SLF2: variants seen among roughly 807,000 people sequenced by gnomAD.
The protein encoded by SLF2 is SMC5-SMC6 complex localization factor protein 2.
A neutral mutation model predicts 124.3 loss-of-function variants in SLF2; 68 were observed. The ratio of observed to expected loss-of-function variants is 0.55; its 90% CI spans 0.45 to 0.67. The LOEUF (loss-of-function observed/expected upper bound fraction) is 0.67, where lower values mean the gene tolerates loss of function less well. Among genes scored for constraint, SLF2 ranks in the 30% least tolerant of loss-of-function variants. The pLI is 0.00. For missense variants in SLF2, 1,246 were observed against 1,373.7 expected (o/e 0.91, Z 1.47); for synonymous variants, 480 against 478.8 (o/e 1.00, Z -0.03).
intron 8 of SLF2, among the ~76,000 whole-genome samples, 198 bp from the exon 9 acceptor site, chr10:100,930,778 A>G (rs1230904135): frequency 1.3e-5 from 2 of 152,222 alleles, no homozygotes; most frequent in Non-Finnish European, 2.9e-5. Context: ...AGCCTAGCCA[A>G]CAGATTGGAT....
chr10:100,956,706 C>T (rs1312325201), intron 18 of SLF2, among the ~76,000 whole-genome samples, 169 bp downstream of exon 18: 1 of 152,090 alleles, frequency 6.6e-6, no homozygotes, highest in Non-Finnish European at 1.5e-5. Flanking sequence ...AGGAGGATTG[C>T]TTGAAGCCAG....
chr10:100,924,694 T>A lies in SLF2; in HGVS notation c.1693T>A (p.Cys565Ser). The change falls in exon 5 of 20, where the codon TGT (cysteine) becomes AGT (serine). Residue 565 changes from cysteine (C) to serine (S), a missense_variant. Cys to Ser is a moderately radical substitution (Grantham distance 112). Coordinates refer to ENST00000238961, the MANE Select transcript of SLF2 (RefSeq NM_018121.4). The part of the protein sequence containing the change: ...SPPAALEVVP[C>S]IPSPAAPSDK... ...CCCTGCTGCTTTGGAAGTTGTGCCA[T>A]GTATCCCAAGCCCTGCAGCACCTTC... 1 of 1,614,174 alleles carries A rather than the reference T, an allele frequency of 6.2e-7. No homozygotes were observed. The highest frequency in any genetic ancestry group is 1.1e-5 in the South Asian group (1 of 91,086).
chr10:100,953,289 G>A (rs1010872718), intron 17 of SLF2, among the ~76,000 whole-genome samples: 52 of 151,278 alleles, frequency 3.4e-4, no homozygotes, highest in Non-Finnish European at 6.3e-4. Flanking sequence ...CAAAGTGCTG[G>A]GATTACAGGC....
intron 1 of SLF2, 35 bp from the exon 2 acceptor site, chr10:100,915,964 G>A: frequency 6.7e-7 from 1 of 1,501,376 alleles, no homozygotes; most frequent in Non-Finnish European, 9.2e-7. Flanking sequence ...TTTAATATTT[G>A]CTTATATGAT....
chr10:100,913,851 A>G (rs1849368355), intron 1 of SLF2: 1 of 985,378 alleles, frequency 1.0e-6, no homozygotes, highest in African/African-American at 1.7e-5. Flanking sequence ...TCATCTAATG[A>G]CATCCTCTGA....
intron 9 of SLF2, 81 bp downstream of exon 9, chr10:100,931,159 A>G: frequency 1.8e-6 from 2 of 1,103,974 alleles, no homozygotes; most frequent in Non-Finnish European, 2.7e-6. Flanking sequence ...TTTTATTTGC[A>G]CATTACTGCA....
intron 9 of SLF2, among the ~76,000 whole-genome samples, chr10:100,935,617 T>C (rs1240848574): frequency 1.3e-5 from 2 of 151,570 alleles, no homozygotes; most frequent in African/African-American, 4.9e-5. Context: ...GAGGCAGAGG[T>C]TGCAGTCAGC....
At chr10:100,942,517 A>C (rs1032430682) in intron 11 of SLF2, among the ~76,000 whole-genome samples, 5 of 151,718 alleles carry the variant, frequency 3.3e-5, no homozygotes, top group Admixed American at 1.3e-4. Context: ...TTTCTTCCTT[A>C]ATAGAGAAGA....
At chr10:100,913,344 C>A in intron 1 of SLF2, 94 bp downstream of exon 1, 1 of 1,381,640 alleles carries the variant, frequency 7.2e-7, no homozygotes. Context: ...TCCCGCCATC[C>A]TCCGCGAGCT....
chr10:100,945,347 A>C lies in SLF2; in HGVS notation c.2775A>C (p.Thr925=), dbSNP rs748755306. Residue 925 remains threonine, a synonymous_variant, in exon 13 of 20, where the codon ACA becomes ACC. Transcript: ENST00000238961. ...LNVVKFLGLC[T]SIHPEGYQDR... ...TTAAACAGTTTCTAGGCTTGTGTAC[A>C]TCTATACATCCAGAAGGTTACCAGG... 3 of 1,591,800 alleles carry C rather than the reference A, an allele frequency of 1.9e-6. No individual in the cohort carries two copies. Among genetic ancestry groups the C allele is most frequent in the Admixed American group, 1.9e-5 (1 of 53,030 alleles).
At chr10:100,927,423 T>A (rs1009675629) in intron 6 of SLF2, among the ~76,000 whole-genome samples, 1 of 152,230 alleles carries the variant, frequency 6.6e-6, no homozygotes, top group South Asian at 2.1e-4. Context: ...GTGTCAGAAT[T>A]TCCGTTCTTT....
chr10:100,918,179 CAT>C (rs1316387618), intron 3 of SLF2, among the ~76,000 whole-genome samples: 4 of 152,188 alleles, frequency 2.6e-5, no homozygotes, highest in Admixed American at 6.5e-5. Context: ...GATATTTTTA[CAT>C]GTTTATGATA....
chr10:100,925,844 G>A (rs899444637), intron 5 of SLF2, 105 bp from the exon 6 acceptor site: 2 of 1,117,044 alleles, frequency 1.8e-6, no homozygotes, highest in African/African-American at 1.6e-5. Context: ...TCCTGGCCCA[G>A]ATTATTGAAA....
At chr10:100,959,604 A>C (rs1467398482) in intron 19 of SLF2, 108 bp downstream of exon 19, 6 of 1,435,524 alleles carry the variant, frequency 4.2e-6, no homozygotes, top group Non-Finnish European at 4.6e-6. Context: ...GCTTCTAGTT[A>C]TCTTAAGATA....
In SLF2 at chr10:100,941,543, C is replaced by T. The variant is rs1849980021; in HGVS notation, c.2655-2483C>T. Among the ~76,000 whole-genome samples the T allele has an allele frequency of 2.0e-5, 3 of 152,160 alleles. No homozygotes were observed. The South Asian group carries it at 6.2e-4, about 32-fold the overall frequency. On this transcript the variant is annotated intron_variant, in intron 11 of 19. Coordinates refer to ENST00000238961, the MANE Select transcript of SLF2 (RefSeq NM_018121.4). The stretch of plus-strand genomic sequence containing the variant: ...AAAAATCTTTCTTCCAGGGCCTTTC[C>T]ACCTGCAAGGTATTATTTTCACTGT...
intron 15 of SLF2, among the ~76,000 whole-genome samples, chr10:100,949,009 T>G (rs566520809): frequency 6.6e-6 from 1 of 152,352 alleles, no homozygotes; most frequent in Non-Finnish European, 1.5e-5. Context: ...TTAGAGACTC[T>G]GCCCTTGAAA....
chr10:100,914,732 A>G (rs754042586), intron 1 of SLF2, among the ~76,000 whole-genome samples: 75 of 152,278 alleles, frequency 4.9e-4, no homozygotes, highest in Middle Eastern at 3.4e-3. Flanking sequence ...ACTCATATTC[A>G]TCTCATAAGC....
chr10:100,930,219 C>G (rs1271978986), intron 8 of SLF2, among the ~76,000 whole-genome samples: 1 of 152,086 alleles, frequency 6.6e-6, no homozygotes, highest in South Asian at 2.1e-4. Context: ...TGATTAAGAT[C>G]AGTGTATAAT....
chr10:100,925,230 T>C (rs1849593178), intron 5 of SLF2, among the ~76,000 whole-genome samples: 2 of 152,216 alleles, frequency 1.3e-5, no homozygotes. Context: ...TATGTATACC[T>C]TTAGATTATA....
Sources: gnomAD v4.1 joint callset for allele counts (sites outside exome capture counted in the v4.1 genomes callset) on GRCh38, gnomAD v4.1.1 for gene constraint, MANE v1.5 for transcripts, NCBI Gene and HGNC (gene_info 2026-07-23, HGNC 2026-07-21) for gene names.